Variants in CACNA2D1 observed in about 807,000 individuals in gnomAD.
The protein encoded by CACNA2D1 is voltage-dependent calcium channel subunit alpha-2/delta-1.
A neutral mutation model predicts 171.5 loss-of-function variants in CACNA2D1; 53 were observed. The observed-to-expected ratio is 0.31, with a 90% CI of 0.25 to 0.39. CACNA2D1 has a LOEUF of 0.39. Ranked by LOEUF, CACNA2D1 falls within the 10% of genes least tolerant of loss-of-function variation. The pLI, the probability that CACNA2D1 is intolerant of heterozygous loss-of-function variation, is 1.00. For synonymous variants in CACNA2D1, 442 were observed against 443.1 expected, an observed-to-expected ratio of 1.00 and a Z score of 0.03; for missense variants, 903 against 1,299.8, an observed-to-expected ratio of 0.69 and a Z score of 4.69.
In CACNA2D1 at chr7:82,443,613, G is replaced by A. The variant is rs1178458917; in HGVS notation, c.-154C>T. On this transcript the variant is annotated 5_prime_UTR_variant, in exon 1 of 39. Transcript: ENST00000356860. Reference sequence around the variant, plus strand: ...GGGGCCCGAGGCGCGGAGCCGCGCGGGGGACGGCAAGGGCGGGAGCGGACG... The same window carrying A: ...GGGGCCCGAGGCGCGGAGCCGCGCGAGGGACGGCAAGGGCGGGAGCGGACG... 85 of 1,366,710 alleles carry A rather than the reference G, an allele frequency of 6.2e-5. No homozygotes were observed. The highest frequency in any genetic ancestry group is 7.5e-5 in the Non-Finnish European group (80 of 1,065,790). 84.7% of individuals were successfully genotyped at this position (1,366,710 alleles called of 1,614,324 possible). A position where few individuals can be genotyped will look rare whatever the true frequency, so the allele number is the denominator to read the frequency against.
intron 3 of CACNA2D1, among the ~76,000 whole-genome samples, chr7:82,209,641 G>A (rs947720681): frequency 2.0e-5 from 3 of 152,010 alleles, no homozygotes; most frequent in Admixed American, 1.3e-4. Context: ...CAACACTAAT[G>A]AGCTTGTTTT....
chr7:82,018,679 G>T (rs899147154), intron 12 of CACNA2D1, among the ~76,000 whole-genome samples: 3 of 151,912 alleles, frequency 2.0e-5, no homozygotes, highest in Admixed American at 6.6e-5. Flanking sequence ...TTGGGGAGCA[G>T]ACTTAATAAA....
At chr7:82,210,406 T>C (rs1223852951) in intron 3 of CACNA2D1, among the ~76,000 whole-genome samples, 4 of 152,164 alleles carry the variant, frequency 2.6e-5, no homozygotes, top group African/African-American at 9.7e-5. Context: ...TGGATTGGAT[T>C]TCAGCTAGGA....
chr7:82,305,055 C>G (rs781699423), intron 3 of CACNA2D1, among the ~76,000 whole-genome samples: 1 of 152,032 alleles, frequency 6.6e-6, no homozygotes, highest in African/African-American at 2.4e-5. Flanking sequence ...TGCTATTAGT[C>G]TCAAATAGTC....
At position 82,138,446 on chromosome 7, in the gene CACNA2D1, TTTG is replaced by T. The variant is rs1286088559; in HGVS notation, c.355-1773_355-1771del. Among the ~76,000 whole-genome samples, 272 of 53,192 alleles carry T rather than the reference TTTG, an allele frequency of 5.1e-3. 7 individuals carry two copies. Among genetic ancestry groups the T allele is most frequent in the South Asian group, 9.6e-3 (11 of 1,142 alleles). The allele number at this position is 53,192 out of a possible 152,430, so 34.9% of individuals were successfully genotyped here. On this transcript the variant is annotated intron_variant, in intron 4 of 38. Transcript: ENST00000356860. The stretch of plus-strand genomic sequence containing the variant: ...CATTAGTTTTGTTTTTTTTGTTTTT[TTTG>T]TTTTTTTTTTTTTTTGAGACAGAGT...
chr7:82,094,836 T>G (rs1811669608), intron 6 of CACNA2D1, among the ~76,000 whole-genome samples: 1 of 142,054 alleles, frequency 7.0e-6, no homozygotes, highest in South Asian at 2.3e-4. Context: ...CTAATGCCAG[T>G]GTAGCTATCC....
At chr7:82,265,807 T>C (rs1221934095) in intron 3 of CACNA2D1, among the ~76,000 whole-genome samples, 1 of 152,116 alleles carries the variant, frequency 6.6e-6, no homozygotes, top group Non-Finnish European at 1.5e-5. Flanking sequence ...GCCCTCTTTA[T>C]TTTCCTCCCC....
chr7:81,993,223 G>A (rs1797727320), intron 20 of CACNA2D1, among the ~76,000 whole-genome samples: 2 of 152,138 alleles, frequency 1.3e-5, no homozygotes, highest in African/African-American at 4.8e-5. Flanking sequence ...AGATTGTAGT[G>A]AAAAATATTC....
intron 25 of CACNA2D1, among the ~76,000 whole-genome samples, chr7:81,972,287 A>G (rs972870715): frequency 6.6e-6 from 1 of 151,470 alleles, no homozygotes; most frequent in Non-Finnish European, 1.5e-5. Flanking sequence ...AAACAGAACT[A>G]CCACTGAAAT....
intron 3 of CACNA2D1, among the ~76,000 whole-genome samples, chr7:82,298,919 CG>C (rs1358415377): frequency 6.6e-6 from 1 of 151,758 alleles, no homozygotes; most frequent in African/African-American, 2.4e-5. Flanking sequence ...ACAAATTGGC[CG>C]GGCGTGGTGG....
chr7:82,174,634 A>G (rs1367217716), intron 3 of CACNA2D1, among the ~76,000 whole-genome samples: 1 of 152,122 alleles, frequency 6.6e-6, no homozygotes, highest in Non-Finnish European at 1.5e-5. Context: ...AAGACAGAGT[A>G]ATATCAAAAC....
intron 3 of CACNA2D1, among the ~76,000 whole-genome samples, chr7:82,243,031 C>A (rs947189969): frequency 2.0e-5 from 3 of 152,110 alleles, no homozygotes; most frequent in Non-Finnish European, 4.4e-5. Context: ...CAACTCTGGA[C>A]AGTTTATGTT....
chr7:82,410,957 C>A (rs1462735619), intron 1 of CACNA2D1, among the ~76,000 whole-genome samples: 1 of 152,132 alleles, frequency 6.6e-6, no homozygotes. Context: ...CTTTGATATT[C>A]ATTTGCCTAT....
chr7:82,149,854 A>G (rs62462962), intron 4 of CACNA2D1, among the ~76,000 whole-genome samples: 40,075 of 150,016 alleles, frequency 0.27, 5,682 homozygotes, highest in East Asian at 0.38. Context: ...CTACTCAGGA[A>G]GCTGAGGCAG....
intron 10 of CACNA2D1, among the ~76,000 whole-genome samples, chr7:82,051,731 C>T (rs1319837353): frequency 6.6e-6 from 1 of 152,152 alleles, no homozygotes; most frequent in Non-Finnish European, 1.5e-5. Flanking sequence ...ATGTCAAACT[C>T]CCTCACATTC....
chr7:82,067,411 G>C (rs534767905), intron 7 of CACNA2D1, among the ~76,000 whole-genome samples: 8 of 152,102 alleles, frequency 5.3e-5, no homozygotes, highest in Non-Finnish European at 1.2e-4. Context: ...AGAAACTGTG[G>C]AAATTATGAA....
rs184224143 is a variant in CACNA2D1 at position 82,052,627 on chromosome 7, G to A, written c.879+7801C>T. On this transcript the variant is annotated intron_variant, in intron 10 of 38. Transcript: ENST00000356860. ...ATTTCTTTAAAATTATGAATTTAAC[G>A]TGGTTGACACTAAAGATTATATATA... Among the ~76,000 whole-genome samples, 169 of 151,980 alleles carry A rather than the reference G, an allele frequency of 1.1e-3. 1 individual carries two copies. Among genetic ancestry groups the A allele is most frequent in the African/African-American group, 3.7e-3 (154 of 41,508 alleles).
intron 1 of CACNA2D1, among the ~76,000 whole-genome samples, chr7:82,434,970 T>A (rs1014094419): frequency 4.0e-5 from 6 of 151,222 alleles, no homozygotes; most frequent in East Asian, 2.0e-4. Flanking sequence ...ATGAAAAAAA[T>A]CCTTCTTCTG....
chr7:82,289,198 G>A (rs552664209), intron 3 of CACNA2D1, among the ~76,000 whole-genome samples: 1 of 152,200 alleles, frequency 6.6e-6, no homozygotes, highest in East Asian at 1.9e-4. Context: ...ATAAGACCTA[G>A]TCATATACCT....
Sources: allele counts gnomAD v4.1 joint callset (sites outside exome capture counted in the v4.1 genomes callset), GRCh38; gene constraint gnomAD v4.1.1; transcripts MANE v1.5; gene names NCBI Gene and HGNC (gene_info 2026-07-23, HGNC 2026-07-21).